LRRC4C: variants seen among roughly 807,000 people sequenced by gnomAD.
LRRC4C encodes leucine rich repeat containing 4C.
LRRC4C carries 5 observed loss-of-function variants against 33.6 expected under a neutral mutation model. The ratio of observed to expected loss-of-function variants is 0.15; its 90% confidence interval spans 0.08 to 0.31. The LOEUF (loss-of-function observed/expected upper bound fraction) is 0.31, where lower values mean the gene tolerates loss of function less well. Among genes scored for constraint, LRRC4C ranks in the 10% least tolerant of loss-of-function variants. The pLI, the probability that LRRC4C is intolerant of heterozygous loss-of-function variation, is 1.00. For synonymous variants in LRRC4C, 329 were observed against 302.0 expected (o/e 1.09, Z -0.93); for missense variants, 560 against 796.7 (o/e 0.70, Z 3.58).
At chr11:40,604,951 C>G (rs891359949) in intron 3 of LRRC4C, among the ~76,000 whole-genome samples, 1 of 152,088 alleles carries the variant, frequency 6.6e-6, no homozygotes, top group African/African-American at 2.4e-5. Flanking sequence ...TTCTGACATT[C>G]CCTAAGCAGG....
chr11:40,429,964 C>T (rs143942980), intron 3 of LRRC4C, among the ~76,000 whole-genome samples: 23 of 152,132 alleles, frequency 1.5e-4, no homozygotes, highest in East Asian at 5.8e-4. Context: ...AGTTTCAAAG[C>T]GCAGTTATTA....
chr11:40,144,625 T>C (rs529100971), intron 5 of LRRC4C, among the ~76,000 whole-genome samples: 2 of 152,362 alleles, frequency 1.3e-5, no homozygotes, highest in African/African-American at 4.8e-5. Flanking sequence ...AATTGTTTCA[T>C]GTGTATTACC....
At chr11:40,431,696 A>G (rs1429726675) in intron 3 of LRRC4C, among the ~76,000 whole-genome samples, 5 of 152,204 alleles carry the variant, frequency 3.3e-5, no homozygotes, top group Non-Finnish European at 2.9e-5. Flanking sequence ...TAAATACTTC[A>G]TACGCATCAT....
chr11:41,330,229 A>G (rs2137362292), intron 1 of LRRC4C, among the ~76,000 whole-genome samples: 1 of 152,294 alleles, frequency 6.6e-6, no homozygotes, highest in African/African-American at 2.4e-5. Flanking sequence ...GTGCAGGAGG[A>G]TTTATATATT....
chr11:40,967,540 T>C (rs1377515757), intron 1 of LRRC4C, among the ~76,000 whole-genome samples: 1 of 152,016 alleles, frequency 6.6e-6, no homozygotes, highest in Admixed American at 6.6e-5. Context: ...TCACTTCATG[T>C]CTCAATGTCA....
At chr11:41,310,088 C>T (rs768883937) in intron 1 of LRRC4C, among the ~76,000 whole-genome samples, 10 of 152,148 alleles carry the variant, frequency 6.6e-5, no homozygotes, top group Non-Finnish European at 1.2e-4. Context: ...ACTAGGGTTT[C>T]AATGACCATG....
rs560089937 is a variant in LRRC4C, at chr11:40,792,479, A to G, written c.-407+141156T>C. On this transcript the variant is annotated intron_variant, in intron 2 of 6. Coordinates refer to ENST00000528697, the MANE Select transcript of LRRC4C (RefSeq NM_001258419.2). ...TAGAATGGCGATCATTAAAAAAGTC[A>G]GGAAACAACAGGTGTTGGAGAGGAT... is the stretch of plus-strand genomic sequence containing the variant. Among the ~76,000 whole-genome samples, 32 of 152,340 alleles carry G rather than the reference A, an allele frequency of 2.1e-4. No individual in the cohort carries two copies. The South Asian group carries it at 6.6e-3, about 32-fold the overall frequency.
chr11:40,614,315 T>C (rs532325977), intron 3 of LRRC4C, among the ~76,000 whole-genome samples: 1 of 152,012 alleles, frequency 6.6e-6, no homozygotes, highest in South Asian at 2.1e-4. Context: ...TGCTTCACCT[T>C]GCATTCCTTT....
chr11:40,950,523 T>C (rs1179824914), intron 1 of LRRC4C, among the ~76,000 whole-genome samples: 4 of 152,094 alleles, frequency 2.6e-5, no homozygotes, highest in African/African-American at 9.7e-5. Context: ...ACTTGCCTGC[T>C]CCATCTGTAA....
intron 2 of LRRC4C, among the ~76,000 whole-genome samples, chr11:40,779,187 C>A (rs796512151): frequency 2.0e-5 from 3 of 151,292 alleles, no homozygotes; most frequent in African/African-American, 7.3e-5. Flanking sequence ...AGCATGGAAG[C>A]AAGCAGTGAA....
In LRRC4C at chr11:40,190,851, T is replaced by C. The variant is rs150690787; in HGVS notation, c.-95-49998A>G. On this transcript the variant is annotated intron_variant, in intron 5 of 6. Coordinates refer to ENST00000528697, the MANE Select transcript of LRRC4C (RefSeq NM_001258419.2). The stretch of plus-strand genomic sequence containing the variant: ...GATAGAAAATTGGATTTTTATATCA[T>C]TTTTCTCAACGCATTTTCAAAAGAA... Among the ~76,000 whole-genome samples the C allele has an allele frequency of 1.8e-3, 278 of 152,250 alleles. 1 individual carries two copies. The highest frequency in any genetic ancestry group is 6.1e-3 in the African/African-American group (255 of 41,530).
At position 40,487,098 on chromosome 11, in the gene LRRC4C, G is replaced by A. The variant is rs943424863; in HGVS notation, c.-270+161044C>T. Reference sequence around the variant, plus strand: ...ATTTTCTGTGTGTGAGTTGGACTACGAACTTGATGGCTGAAGCTTTAGCTA... The same window carrying A: ...ATTTTCTGTGTGTGAGTTGGACTACAAACTTGATGGCTGAAGCTTTAGCTA... On this transcript the variant is annotated intron_variant, in intron 3 of 6. Transcript: ENST00000528697. 2.0e-5 allele frequency among the ~76,000 whole-genome samples: 3 copies of A among 152,038 alleles called. No individual in the cohort carries two copies. The South Asian group carries it at 6.2e-4, about 32-fold the overall frequency.
At chr11:41,378,389 T>C (rs906309709) in intron 1 of LRRC4C, among the ~76,000 whole-genome samples, 5 of 152,290 alleles carry the variant, frequency 3.3e-5, no homozygotes, top group African/African-American at 1.2e-4. Context: ...ACACTGAAAA[T>C]AGCCCTGTTC....
rs113113381 is a variant in LRRC4C at position 40,281,442 on chromosome 11, C to A, written c.-176+38186G>T. Among the ~76,000 whole-genome samples, 9 of 152,260 alleles carry A rather than the reference C, an allele frequency of 5.9e-5. 3 individuals are homozygous for A. The highest frequency in any genetic ancestry group is 2.2e-4 in the African/African-American group (9 of 41,558). The stretch of plus-strand genomic sequence containing the variant: ...AGGATGAGCTCTCTCCCCGCAAACT[C>A]TTTCTCAATCTCTCTCTCTCTTTCC... On this transcript the variant is annotated intron_variant, in intron 4 of 6. Transcript: ENST00000528697.
chr11:40,230,107 TA>T (rs1273080748), intron 5 of LRRC4C, among the ~76,000 whole-genome samples: 1 of 152,204 alleles, frequency 6.6e-6, no homozygotes, highest in African/African-American at 2.4e-5. Flanking sequence ...TTGGAAGTAC[TA>T]AATATCAGTG....
intron 1 of LRRC4C, among the ~76,000 whole-genome samples, chr11:40,953,763 C>T (rs1031913336): frequency 4.6e-5 from 7 of 151,882 alleles, no homozygotes; most frequent in African/African-American, 1.7e-4. Flanking sequence ...TTTAAGCCTT[C>T]TTGGCACTTT....
At chr11:40,598,885 G>A (rs1451231945) in intron 3 of LRRC4C, among the ~76,000 whole-genome samples, 1 of 152,144 alleles carries the variant, frequency 6.6e-6, no homozygotes, top group Non-Finnish European at 1.5e-5. Flanking sequence ...AGATAGCAGA[G>A]TGAAATGGTG....
Position 41,161,487 on chromosome 11 carries a change from C to T in LRRC4C, c.-495-227764G>A, listed in dbSNP as rs528901832. Among the ~76,000 whole-genome samples the T allele has an allele frequency of 6.6e-5, 10 of 152,246 alleles. No individual in the cohort carries two copies. In the South Asian group the frequency reaches 1.9e-3, roughly 28 times the overall value. The stretch of plus-strand genomic sequence containing the variant: ...GGACCTTTGTCTGGTCTTGGGGGCA[C>T]ACTGATATTAAGTACCTTTTCCATC... On this transcript the variant is annotated intron_variant, in intron 1 of 6. Transcript: ENST00000528697.
chr11:40,353,170 C>T (rs1314128020), intron 3 of LRRC4C, among the ~76,000 whole-genome samples: 1 of 152,102 alleles, frequency 6.6e-6, no homozygotes, highest in African/African-American at 2.4e-5. Flanking sequence ...CTTTCTACCC[C>T]AGTCTTTCTC....
Sources: gnomAD v4.1 joint callset for allele counts (sites outside exome capture counted in the v4.1 genomes callset) on GRCh38, gnomAD v4.1.1 for gene constraint, MANE v1.5 for transcripts, NCBI Gene and HGNC (gene_info 2026-07-23, HGNC 2026-07-21) for gene names.